The following RBFOX1 variants were observed in gnomAD, a reference collection of about 807,000 sequenced individuals.
RBFOX1 encodes the protein RNA binding protein fox-1 homolog 1.
In RBFOX1, 8 loss-of-function variants were observed where a neutral mutation model predicts 57.7. The ratio of observed to expected loss-of-function variants is 0.14; its 90% CI spans 0.08 to 0.25. The LOEUF (loss-of-function observed/expected upper bound fraction) is 0.25. RBFOX1 is among the 10% of genes least tolerant of loss of function. The pLI is 1.00. For missense variants in RBFOX1, 611 were observed against 548.5 expected (o/e 1.11, Z -1.14); for synonymous variants, 326 against 222.4 (o/e 1.47, Z -4.15).
intron 4 of RBFOX1, among the ~76,000 whole-genome samples, chr16:7,388,714 T>C (rs2097928769): frequency 6.7e-6 from 1 of 149,884 alleles, no homozygotes; most frequent in Admixed American, 6.7e-5. Context: ...TCACATTTGG[T>C]ATGGTATTCA....
intron 4 of RBFOX1, among the ~76,000 whole-genome samples, chr16:7,067,606 A>C (rs188140775): frequency 5.3e-5 from 8 of 151,974 alleles, no homozygotes; most frequent in Admixed American, 5.2e-4. Flanking sequence ...ACGTATGTAT[A>C]CATGTGCCAT....
At chr16:5,729,985 C>G (rs1043028179) in intron 3 of RBFOX1, among the ~76,000 whole-genome samples, 1 of 152,170 alleles carries the variant, frequency 6.6e-6, no homozygotes, top group Admixed American at 6.5e-5. Flanking sequence ...TGCTTTGCCT[C>G]TGGTCCATGC....
chr16:7,171,983 A>G (rs1478709), intron 4 of RBFOX1, among the ~76,000 whole-genome samples: 135,693 of 152,246 alleles, frequency 0.89, 60,525 homozygotes, highest in East Asian at 0.98. Flanking sequence ...GCTGTGTAGT[A>G]TAGTAGGAAG....
rs1169954657 is a variant in RBFOX1 at position 5,454,958 on chromosome 16, C to CCTTTCTTTCTTTCTTTCTTT, written c.220-12211_220-12192dup. 1.3e-3 allele frequency among the ~76,000 whole-genome samples: 41 copies of CCTTTCTTTCTTTCTTTCTTT among 30,414 alleles called. 1 individual carries two copies. Among genetic ancestry groups the CCTTTCTTTCTTTCTTTCTTT allele is most frequent in the South Asian group, 2.4e-3 (2 of 822 alleles). 20.0% of individuals were successfully genotyped at this position (30,414 alleles called of 152,430 possible). On this transcript the variant is annotated intron_variant, in intron 1 of 2. Coordinates refer to the RBFOX1 transcript ENST00000585867. Reference sequence around the variant, plus strand: ...TCCTTCCTTCCTTCCTTCCTTCCTTCCTTTCTTTCTTTCTTTCTTTCTTTC... The same window carrying CCTTTCTTTCTTTCTTTCTTT: ...TCCTTCCTTCCTTCCTTCCTTCCTTCCTTTCTTTCTTTCTTTCTTTCTTTCTTTCTTTCTTTCTTTCTTTC...
chr16:7,169,413 G>A (rs1314699640), intron 4 of RBFOX1, among the ~76,000 whole-genome samples: 1 of 152,198 alleles, frequency 6.6e-6, no homozygotes, highest in Non-Finnish European at 1.5e-5. Flanking sequence ...CTGTGCATTT[G>A]CACGATGTTT....
intron 5 of RBFOX1, among the ~76,000 whole-genome samples, chr16:7,551,448 C>T (rs1001937797): frequency 7.2e-5 from 11 of 151,998 alleles, no homozygotes; most frequent in Non-Finnish European, 1.5e-4. Context: ...ATATTTGGGG[C>T]GCACTTGCTG....
At chr16:6,586,227 T>C (rs1335152423) in intron 2 of RBFOX1, among the ~76,000 whole-genome samples, 1 of 152,174 alleles carries the variant, frequency 6.6e-6, no homozygotes, top group African/African-American at 2.4e-5. Flanking sequence ...CCCAATTTGC[T>C]CAGATAGGTA....
rs138340308 is a variant in RBFOX1, at chr16:5,860,812, G to C, written c.319-6491G>C. Among the ~76,000 whole-genome samples, 6 of 152,130 alleles carry C rather than the reference G, an allele frequency of 3.9e-5. No homozygotes were observed. In the South Asian group the frequency reaches 8.3e-4, roughly 21 times the overall value. ...AAAGCCAAGCTCCAGGGCTCCTCTT[G>C]TAGATACTGGGAGGCCAGCAAAAAG... On this transcript the variant is annotated intron_variant, in intron 3 of 19. Coordinates refer to the RBFOX1 transcript ENST00000641259.
At chr16:7,134,677 A>G (rs1248302840) in intron 4 of RBFOX1, among the ~76,000 whole-genome samples, 3 of 152,244 alleles carry the variant, frequency 2.0e-5, no homozygotes, top group Non-Finnish European at 4.4e-5. Flanking sequence ...TCACATCAAC[A>G]GAGGCTACTT....
At chr16:7,458,035 G>A (rs1462637569) in intron 4 of RBFOX1, among the ~76,000 whole-genome samples, 4 of 152,082 alleles carry the variant, frequency 2.6e-5, no homozygotes, top group Admixed American at 2.6e-4. Context: ...GCCTTGCTCA[G>A]CTTGGACATC....
At chr16:5,420,165 G>A (rs2067273939) in intron 1 of RBFOX1, among the ~76,000 whole-genome samples, 1 of 152,206 alleles carries the variant, frequency 6.6e-6, no homozygotes. Flanking sequence ...TCTGACCAGA[G>A]TCATACCCAA....
chr16:7,516,103 C>T (rs896462689), intron 4 of RBFOX1, among the ~76,000 whole-genome samples: 5 of 152,162 alleles, frequency 3.3e-5, no homozygotes, highest in Non-Finnish European at 7.4e-5. Flanking sequence ...CCTTGGCCTC[C>T]CAAAGTGCTG....
In RBFOX1 at chr16:6,846,008, C is replaced by T. The variant is rs565494379; in HGVS notation, c.-16+191358C>T. On this transcript the variant is annotated intron_variant, in intron 3 of 15. Transcript: ENST00000550418. ...ATCAATGCATCTCTGTAAAATGAAC[C>T]TGTGCATCTGCTTCAGGCCATATTT... Among the ~76,000 whole-genome samples, 8 of 152,338 alleles carry T rather than the reference C, an allele frequency of 5.3e-5. No homozygotes were observed. In the South Asian group the frequency reaches 8.3e-4, roughly 16 times the overall value.
intron 4 of RBFOX1, among the ~76,000 whole-genome samples, chr16:7,344,101 C>CT (rs61008217): frequency 0.27 from 24,261 of 90,286 alleles, 3,755 homozygotes; most frequent in Non-Finnish European, 0.3. Flanking sequence ...CTCAGCTTTA[C>CT]TTTTTTTTTT....
chr16:5,731,253 A>G (rs1045592641), intron 3 of RBFOX1, among the ~76,000 whole-genome samples: 1 of 151,824 alleles, frequency 6.6e-6, no homozygotes, highest in African/African-American at 2.4e-5. Flanking sequence ...CAATGTCTCC[A>G]CCAGCACGAT....
chr16:5,548,325 T>C (rs2045320075), intron 2 of RBFOX1, among the ~76,000 whole-genome samples: 2 of 151,162 alleles, frequency 1.3e-5, no homozygotes, highest in Admixed American at 6.6e-5. Flanking sequence ...AACTTCAGTG[T>C]CATGCAATAT....
At chr16:5,793,915 TG>T (rs1383603328) in intron 3 of RBFOX1, among the ~76,000 whole-genome samples, 7 of 152,346 alleles carry the variant, frequency 4.6e-5, no homozygotes, top group Admixed American at 6.5e-5. Context: ...TGTGTGATCT[TG>T]GGTGAGCCAT....
chr16:6,863,806 G>C (rs955196958), intron 3 of RBFOX1, among the ~76,000 whole-genome samples: 3 of 139,228 alleles, frequency 2.2e-5, no homozygotes, highest in African/African-American at 8.3e-5. Context: ...TACAGTCTCA[G>C]GAGGATGTGC....
At chr16:7,463,623 A>G (rs1391872374) in intron 4 of RBFOX1, among the ~76,000 whole-genome samples, 5 of 152,224 alleles carry the variant, frequency 3.3e-5, no homozygotes, top group African/African-American at 1.2e-4. Context: ...CACCATATGA[A>G]TTAGGGGTGA....
Sources: allele counts gnomAD v4.1 joint callset (sites outside exome capture counted in the v4.1 genomes callset), GRCh38; gene constraint gnomAD v4.1.1; transcripts MANE v1.5; gene names NCBI Gene and HGNC (gene_info 2026-07-23, HGNC 2026-07-21).